Variants in PLCZ1 observed in about 807,000 individuals in gnomAD.
The protein encoded by PLCZ1 is phospholipase C zeta 1, also known as 1-phosphatidylinositol 4,5-bisphosphate phosphodiesterase zeta-1.
Under a neutral mutation model 76.8 loss-of-function variants are expected in PLCZ1, and 64 were observed. The observed-to-expected ratio is 0.83, with a 90% CI of 0.68 to 1.03. The LOEUF (loss-of-function observed/expected upper bound fraction) is 1.03. Ranked by LOEUF, PLCZ1 falls within the 50% of genes least tolerant of loss-of-function variation. The probability of loss-of-function intolerance (pLI) is 0.00; values close to 1 mark genes in which losing one functional copy is unlikely to be tolerated. For synonymous variants in PLCZ1, 248 were observed against 230.8 expected (o/e 1.07, Z -0.68); for missense variants, 751 against 713.7 (o/e 1.05, Z -0.60).
chr12:18,732,244 T>C (rs2150757876), intron 3 of PLCZ1, among the ~76,000 whole-genome samples: 1 of 152,228 alleles, frequency 6.6e-6, no homozygotes, highest in South Asian at 2.1e-4. Flanking sequence ...CTCTATCTCC[T>C]GAGCTCAAAG....
rs1959603813 is a variant in PLCZ1, at chr12:18,737,922, A to C, written c.-139+10T>G. 3.2e-6 allele frequency: 1 copy of C among 309,234 alleles called. No homozygotes were observed. Among genetic ancestry groups the C allele is most frequent in the Admixed American group, 4.7e-5 (1 of 21,352 alleles). The allele number at this position is 309,234 out of a possible 1,614,324, so 19.2% of individuals were successfully genotyped here. On this transcript the variant is annotated intron_variant, in intron 1 of 14. Transcript: ENST00000266505. ...ATCGTTGACAACATATAATGCACAC[A>C]GAGACACACCACTTTCGAAGAAGAC...
the PLCZ1 span, among the ~76,000 whole-genome samples, chr12:18,672,085 A>G: frequency 6.6e-6 from 1 of 152,202 alleles, no homozygotes; most frequent in East Asian, 1.9e-4. Flanking sequence ...TTTTATGGGG[A>G]CACAAACATT....
chr12:18,713,143 C>G (rs916978786), intron 5 of PLCZ1, among the ~76,000 whole-genome samples, 157 bp from the exon 6 acceptor site: 1 of 152,064 alleles, frequency 6.6e-6, no homozygotes, highest in Non-Finnish European at 1.5e-5. Flanking sequence ...AGTTTTGAGT[C>G]TCTAGAAATT....
rs1957398821 is a variant in PLCZ1 at position 18,711,968 on chromosome 12, T to C, written c.714+874A>G. 7.2e-5 allele frequency among the ~76,000 whole-genome samples: 11 copies of C among 152,282 alleles called. No individual in the cohort carries two copies. The South Asian group carries it at 2.3e-3, about 32-fold the overall frequency. ...GAAATATTTATTTTGTACTCCATTT[T>C]AATATATAGTAGATAAATTTATATA... On this transcript the variant is annotated intron_variant, in intron 6 of 14. Transcript: ENST00000266505.
chr12:18,680,662 C>G (rs1952327466), downstream of PLCZ1, among the ~76,000 whole-genome samples: 1 of 151,998 alleles, frequency 6.6e-6, no homozygotes, highest in African/African-American at 2.4e-5. Context: ...TGGAAGAAGT[C>G]AGAATTTGTC....
intron 3 of PLCZ1, among the ~76,000 whole-genome samples, chr12:18,725,323 T>C (rs984031619): frequency 1.3e-5 from 2 of 152,028 alleles, no homozygotes; most frequent in Non-Finnish European, 2.9e-5. Flanking sequence ...AAGGTGCAAT[T>C]TGAGTGCTGA....
chr12:18,701,019 C>A (rs1187381603), intron 9 of PLCZ1, among the ~76,000 whole-genome samples: 1 of 150,468 alleles, frequency 6.6e-6, no homozygotes, highest in Non-Finnish European at 1.5e-5. Context: ...ATCTCTCATT[C>A]TGTTGCCCAG....
intron 3 of PLCZ1, among the ~76,000 whole-genome samples, chr12:18,732,081 A>G (rs1379552381): frequency 6.6e-6 from 1 of 152,178 alleles, no homozygotes; most frequent in East Asian, 1.9e-4. Context: ...GGAGATAAGT[A>G]TACAGCCATG....
intron 12 of PLCZ1, chr12:18,693,097 T>C: frequency 6.6e-7 from 1 of 1,523,136 alleles, no homozygotes; most frequent in Non-Finnish European, 9.1e-7. Flanking sequence ...GGGACCCCAA[T>C]GTCAGTAGGA....
Position 18,710,304 on chromosome 12 carries a change from T to C in PLCZ1, c.714+2538A>G, listed in dbSNP as rs114543388. ...TTCCACTCTGAATTAGGTGAGGGAG[T>C]TAGCCATGCAAATATTTGGGAAGAG... On this transcript the variant is annotated intron_variant, in intron 6 of 14. Coordinates refer to ENST00000266505, the MANE Select transcript of PLCZ1 (RefSeq NM_033123.4). Among the ~76,000 whole-genome samples the C allele has an allele frequency of 7.1e-3, 1,070 of 151,010 alleles. 11 individuals carry two copies. Among genetic ancestry groups the C allele is most frequent in the African/African-American group, 0.025 (1,037 of 40,998 alleles).
At chr12:18,731,536 T>TC (rs975088041) in intron 3 of PLCZ1, among the ~76,000 whole-genome samples, 2 of 144,058 alleles carry the variant, frequency 1.4e-5, no homozygotes, top group Non-Finnish European at 3.0e-5. Context: ...AAGCTGTCTT[T>TC]TTTTTTTTTT....
chr12:18,698,092 A>G (rs1050497308), intron 10 of PLCZ1, among the ~76,000 whole-genome samples: 1 of 152,100 alleles, frequency 6.6e-6, no homozygotes. Flanking sequence ...CATGAACAAC[A>G]TGAAGGAACA....
At position 18,715,399 on chromosome 12, in the gene PLCZ1, GT is replaced by G. The variant is rs550287054; in HGVS notation, c.570-2414del. Among the ~76,000 whole-genome samples the G allele has an allele frequency of 8.0e-3, 1,172 of 146,286 alleles. 14 individuals are homozygous for G. The highest frequency in any genetic ancestry group is 0.027 in the African/African-American group (1,099 of 40,030). On this transcript the variant is annotated intron_variant, in intron 5 of 14. Coordinates refer to ENST00000266505, the MANE Select transcript of PLCZ1 (RefSeq NM_033123.4). ...TTAATAAATTCTTTTGGGGTGTTTGGTTTTTTTTTTGTTTTTTTTAGAGACA... is the reference window on the plus strand; with the variant it reads ...TTAATAAATTCTTTTGGGGTGTTTGGTTTTTTTTTGTTTTTTTTAGAGACA...
At chr12:18,728,917 T>G (rs1405038378) in intron 3 of PLCZ1, among the ~76,000 whole-genome samples, 1 of 152,004 alleles carries the variant, frequency 6.6e-6, no homozygotes, top group Non-Finnish European at 1.5e-5. Flanking sequence ...ACCATAAACT[T>G]GAGGTGGAAC....
the PLCZ1 span, among the ~76,000 whole-genome samples, chr12:18,676,357 T>C: frequency 6.6e-6 from 1 of 152,036 alleles, no homozygotes; most frequent in Admixed American, 6.6e-5. Context: ...GAATCTAATA[T>C]AATCCATGTC....
chr12:18,723,453 C>T lies in PLCZ1; in HGVS notation c.225G>A (p.Glu75=), dbSNP rs140442256. 33 of 1,612,812 alleles carry T rather than the reference C, an allele frequency of 2.0e-5. No homozygotes were observed. The African/African-American group carries it at 4.0e-4, about 20-fold the overall frequency. The part of the protein sequence containing the change: ...RIITHREEII[E]IFNTYSENRK... ...GGTTTTCAGAATATGTGTTGAAAAT[C>T]TCAATAATTTCTTCTCTGTGCGTGA... is the stretch of plus-strand genomic sequence containing the variant. The change falls in exon 4 of 15, where the codon GAG becomes GAA. Residue 75 remains glutamate (E), a synonymous_variant. Coordinates refer to ENST00000266505, the MANE Select transcript of PLCZ1 (RefSeq NM_033123.4).
chr12:18,720,775 C>T (rs867365986), intron 4 of PLCZ1, among the ~76,000 whole-genome samples: 1 of 151,876 alleles, frequency 6.6e-6, no homozygotes, highest in African/African-American at 2.4e-5. Flanking sequence ...CAAGAATGCT[C>T]ACATTAGCAT....
At chr12:18,733,629 A>G (rs1015919771) in intron 3 of PLCZ1, among the ~76,000 whole-genome samples, 1 of 151,978 alleles carries the variant, frequency 6.6e-6, no homozygotes, top group Non-Finnish European at 1.5e-5. Flanking sequence ...ATGGATTTTG[A>G]GTTGATTTTT....
the PLCZ1 span, among the ~76,000 whole-genome samples, chr12:18,674,709 A>C: frequency 4.4e-3 from 674 of 152,298 alleles, 6 homozygotes; most frequent in Non-Finnish European, 5.5e-3. Flanking sequence ...GCTTGAAGCT[A>C]GGCTGGTCTT....
Sources: allele counts gnomAD v4.1 joint callset (sites outside exome capture counted in the v4.1 genomes callset), GRCh38; gene constraint gnomAD v4.1.1; transcripts MANE v1.5; gene names NCBI Gene and HGNC (gene_info 2026-07-23, HGNC 2026-07-21).